A4GALT: variants seen among roughly 807,000 people sequenced by gnomAD.
The protein encoded by A4GALT is lactosylceramide 4-alpha-galactosyltransferase.
For synonymous variants in A4GALT, 257 were observed against 220.7 expected, an observed-to-expected ratio of 1.16 and a Z score of -1.46; for missense variants, 512 against 486.0, an observed-to-expected ratio of 1.05 and a Z score of -0.50.
At chr22:42,717,467 T>C (rs1305659129) in intron 1 of A4GALT, among the ~76,000 whole-genome samples, 1 of 152,062 alleles carries the variant, frequency 6.6e-6, no homozygotes, top group Non-Finnish European at 1.5e-5. Context: ...TCAAAGCCAA[T>C]TCATCAAGTG....
chr22:42,715,768 T>A (rs184377377), intron 1 of A4GALT, among the ~76,000 whole-genome samples: 321 of 151,358 alleles, frequency 2.1e-3, no homozygotes, highest in Admixed American at 3.7e-3. Context: ...TCCACCCCCT[T>A]CAGCCTCCTA....
rs1259711267 is a variant in A4GALT, at chr22:42,692,650, C to T, written c.*240G>A. On this transcript the variant is annotated 3_prime_UTR_variant, in exon 3 of 3. Coordinates refer to ENST00000642412, the MANE Select transcript of A4GALT (RefSeq NM_017436.7). The surrounding 1 kb of genome is among the most constrained non-coding windows in gnomAD (Gnocchi z 4.6). ...TGCCTGTTGTCTAGAAGGCCCGGGG[C>T]ACTCACTGAGCGCCCTCCGCTGGCT... is the stretch of plus-strand genomic sequence containing the variant. 2 of 665,142 alleles carry T rather than the reference C, an allele frequency of 3.0e-6. No individual in the cohort carries two copies. The highest frequency in any genetic ancestry group is 5.5e-6 in the Non-Finnish European group (2 of 361,972). 41.2% of individuals were successfully genotyped at this position (665,142 alleles called of 1,614,324 possible). A position where few individuals can be genotyped will look rare whatever the true frequency, so the allele number is the denominator to read the frequency against.
Position 42,706,152 on chromosome 22 carries a change from G to C in A4GALT, c.-187-10521C>G, listed in dbSNP as rs7287036. On this transcript the variant is annotated intron_variant, in intron 1 of 2. Transcript: ENST00000642412. ...GGGCGGATCACGAGGTCAGGAGATC[G>C]AGACCATCCTGGCTAACACGGTGAA... 6.9e-4 allele frequency among the ~76,000 whole-genome samples: 56 copies of C among 81,040 alleles called. 8 individuals carry two copies. The highest frequency in any genetic ancestry group is 1.8e-3 in the African/African-American group (53 of 29,520). 53.2% of individuals were successfully genotyped at this position (81,040 alleles called of 152,430 possible). A position where few individuals can be genotyped will look rare whatever the true frequency, so the allele number is the denominator to read the frequency against.
At chr22:42,703,069 G>C (rs1364973349) in intron 1 of A4GALT, among the ~76,000 whole-genome samples, 1 of 150,652 alleles carries the variant, frequency 6.6e-6, no homozygotes, top group Admixed American at 6.6e-5. Context: ...GTGTGTGTGT[G>C]TGTGTGTGTG....
chr22:42,697,732 C>T (rs1031166481), intron 1 of A4GALT, among the ~76,000 whole-genome samples: 8 of 152,158 alleles, frequency 5.3e-5, no homozygotes, highest in South Asian at 2.1e-4. Flanking sequence ...GCCCCCGAGA[C>T]GGGCCTCGCA....
chr22:42,716,083 C>T (rs1401581025), intron 1 of A4GALT, among the ~76,000 whole-genome samples: 3 of 152,156 alleles, frequency 2.0e-5, no homozygotes, highest in Non-Finnish European at 2.9e-5. Context: ...CCGCCCGCTT[C>T]GGCCTCCCAA....
rs1989501 is a variant in A4GALT, at chr22:42,712,648, C to T, written c.-188+8149G>A. On this transcript the variant is annotated intron_variant, in intron 1 of 2. Transcript: ENST00000642412. ...GCAAGGCCGAGTGTGGTGACTCACACCTGTAATCCCAGCACTTTGAGAGGC... is the reference window on the plus strand; with the variant it reads ...GCAAGGCCGAGTGTGGTGACTCACATCTGTAATCCCAGCACTTTGAGAGGC... Among the ~76,000 whole-genome samples, 885 of 152,062 alleles carry T rather than the reference C, an allele frequency of 5.8e-3. 7 individuals are homozygous for T. Among genetic ancestry groups the T allele is most frequent in the African/African-American group, 0.021 (859 of 41,586 alleles).
intron 2 of A4GALT, 96 bp from the exon 3 acceptor site, chr22:42,694,093 G>T: frequency 1.2e-6 from 1 of 803,518 alleles, no homozygotes; most frequent in Non-Finnish European, 2.0e-6. Context: ...GCCAAGGCTG[G>T]CTTCCAAGCC....
intron 1 of A4GALT, among the ~76,000 whole-genome samples, chr22:42,700,577 G>A (rs1351491984): frequency 6.6e-6 from 1 of 152,172 alleles, no homozygotes; most frequent in Non-Finnish European, 1.5e-5. Context: ...CTGGGGTGTG[G>A]CCACCCCTGC....
At chr22:42,719,850 G>C (rs528765183) in intron 1 of A4GALT, among the ~76,000 whole-genome samples, 3 of 152,152 alleles carry the variant, frequency 2.0e-5, no homozygotes, top group Admixed American at 6.5e-5. Flanking sequence ...GGGCCTTCGC[G>C]GAACAATCAC....
chr22:42,708,564 A>AGGAAGGAAGGAAGGAAGGAAGGAG (rs1921373048), intron 1 of A4GALT, among the ~76,000 whole-genome samples: 1 of 151,298 alleles, frequency 6.6e-6, no homozygotes, highest in Non-Finnish European at 1.5e-5. Flanking sequence ...GAAGGAAGGA[A>AGGAAGGAAGGAAGGAAGGAAGGAG]GGAAGGAAGG....
chr22:42,693,263 A>G lies in A4GALT; in HGVS notation c.689T>C (p.Met230Thr). The G allele has an allele frequency of 6.2e-7, 1 of 1,612,776 alleles. No homozygotes were observed. Reference sequence around the variant, plus strand: ...CACGAAGTCCCGCATGCACAGCGCCATGAACTCGTGCCGGCGCTCGAAGGC... The same window carrying G: ...CACGAAGTCCCGCATGCACAGCGCCGTGAACTCGTGCCGGCGCTCGAAGGC... ...FLAFERRHEFMALCMRDFVDH... is the reference protein window; with the variant it reads ...FLAFERRHEFTALCMRDFVDH... Residue 230 changes from methionine (M) to threonine (T), a missense_variant, in exon 3 of 3, where the codon ATG becomes ACG. Transcript: ENST00000642412.
chr22:42,708,339 T>C (rs1921346140), intron 1 of A4GALT, among the ~76,000 whole-genome samples: 1 of 151,938 alleles, frequency 6.6e-6, no homozygotes, highest in Non-Finnish European at 1.5e-5. Flanking sequence ...GATCGCGCCA[T>C]TGCATTCTAG....
Position 42,693,069 on chromosome 22 carries a change from A to G in A4GALT, c.883T>C (p.Tyr295His). 6.2e-7 allele frequency: 1 copy of G among 1,612,482 alleles called. No homozygotes were observed. The highest frequency in any genetic ancestry group is 8.5e-7 in the Non-Finnish European group (1 of 1,179,024). ...TCCTCGGGGTTGATGTCCTCAAAGTACTTCTTCCAGTCCTGCCAGGGGATG... is the reference window on the plus strand; with the variant it reads ...TCCTCGGGGTTGATGTCCTCAAAGTGCTTCTTCCAGTCCTGCCAGGGGATG... ...YPIPWQDWKK[Y>H]FEDINPEELP... Residue 295 changes from tyrosine to histidine, a missense_variant, in exon 3 of 3, where the codon TAC (tyrosine) becomes CAC (histidine). Tyr to His is a moderately conservative substitution (Grantham distance 83). Coordinates refer to ENST00000642412, the MANE Select transcript of A4GALT (RefSeq NM_017436.7).
intron 1 of A4GALT, among the ~76,000 whole-genome samples, chr22:42,704,873 G>A (rs1385794343): frequency 1.6e-5 from 2 of 123,498 alleles, no homozygotes; most frequent in Non-Finnish European, 3.3e-5. Flanking sequence ...TGGCAATGGG[G>A]GGGGGCGGGG....
At chr22:42,699,846 G>T (rs766268285) in intron 1 of A4GALT, among the ~76,000 whole-genome samples, 1 of 152,176 alleles carries the variant, frequency 6.6e-6, no homozygotes, top group Non-Finnish European at 1.5e-5. Context: ...ATTACCATTC[G>T]AATGGCAGAC....
intron 1 of A4GALT, among the ~76,000 whole-genome samples, chr22:42,703,232 C>CT (rs1359286598): frequency 6.3e-5 from 9 of 142,912 alleles, no homozygotes; most frequent in East Asian, 4.1e-4. Flanking sequence ...AAGTAGTGGG[C>CT]TTTTTTTTTG....
At chr22:42,718,558 C>A (rs1055503357) in intron 1 of A4GALT, 2 of 152,320 alleles carry the variant, frequency 1.3e-5, no homozygotes, top group East Asian at 1.9e-4. Context: ...AGCCACCTCG[C>A]CCGGCTGGAA....
rs568802132 is a variant in A4GALT at position 42,693,990 on chromosome 22, C to T, written c.-39G>A. The T allele has an allele frequency of 6.8e-5, 104 of 1,537,474 alleles. No individual in the cohort carries two copies. Among genetic ancestry groups the T allele is most frequent in the South Asian group, 4.9e-4 (41 of 84,226 alleles). Reference sequence around the variant, plus strand: ...CAGACCAGGAGCTTCCAGCAGGAACCGGCTGGTCTGCAAGAGATGAGCACC... The same window carrying T: ...CAGACCAGGAGCTTCCAGCAGGAACTGGCTGGTCTGCAAGAGATGAGCACC... On this transcript the variant is annotated 5_prime_UTR_variant, in exon 3 of 3. Coordinates refer to ENST00000642412, the MANE Select transcript of A4GALT (RefSeq NM_017436.7).
Sources: gnomAD v4.1 joint callset for allele counts (sites outside exome capture counted in the v4.1 genomes callset) on GRCh38, gnomAD v4.1.1 for gene constraint, Gnocchi (gnomAD v3.1) non-coding constraint, MANE v1.5 for transcripts, NCBI Gene and HGNC (gene_info 2026-07-23, HGNC 2026-07-21) for gene names.